KCNH7: variants seen among roughly 807,000 people sequenced by gnomAD.
The protein encoded by KCNH7 is potassium voltage-gated channel subfamily H member 7.
KCNH7 carries 49 observed loss-of-function variants against 120.8 expected under a neutral mutation model. The observed-to-expected ratio is 0.41, with a 90% CI of 0.32 to 0.51. The LOEUF (loss-of-function observed/expected upper bound fraction) is 0.51. Among genes scored for constraint, KCNH7 ranks in the 20% least tolerant of loss-of-function variants. The pLI, the probability that KCNH7 is intolerant of heterozygous loss-of-function variation, is 0.38. For missense variants in KCNH7, 1,097 were observed against 1,446.6 expected (o/e 0.76, Z 3.92); for synonymous variants, 547 against 516.1 (o/e 1.06, Z -0.81).
chr2:162,819,832 T>A (rs1241684052), intron 2 of KCNH7, among the ~76,000 whole-genome samples: 1 of 152,118 alleles, frequency 6.6e-6, no homozygotes, highest in African/African-American at 2.4e-5. Flanking sequence ...AAACTGAAAA[T>A]AATTCCGAAT....
intron 6 of KCNH7, among the ~76,000 whole-genome samples, chr2:162,459,675 A>G (rs1689084289): frequency 6.6e-6 from 1 of 152,210 alleles, no homozygotes; most frequent in Non-Finnish European, 1.5e-5. Flanking sequence ...TGATGTTAAC[A>G]ATGAACAGCA....
intron 2 of KCNH7, among the ~76,000 whole-genome samples, chr2:162,766,549 C>G (rs1367336483): frequency 6.6e-6 from 1 of 152,016 alleles, no homozygotes; most frequent in Non-Finnish European, 1.5e-5. Flanking sequence ...ACAAAAAAAG[C>G]TTGATTAGTG....
rs1182105670 is a variant in KCNH7 at position 162,512,641 on chromosome 2, G to A, written c.913+13C>T. The A allele has an allele frequency of 1.2e-6, 2 of 1,607,694 alleles. No homozygotes were observed. Among genetic ancestry groups the A allele is most frequent in the Non-Finnish European group, 8.5e-7 (1 of 1,175,968 alleles). ...TTGAACATCAGATGGTGAAATTTGA[G>A]TTTGTACATTACCTTTGACATTGCG... On this transcript the variant is annotated intron_variant, in intron 5 of 15. Coordinates refer to ENST00000332142, the MANE Select transcript of KCNH7 (RefSeq NM_033272.4).
chr2:162,806,794 A>T (rs929472927), intron 2 of KCNH7, among the ~76,000 whole-genome samples: 1 of 152,160 alleles, frequency 6.6e-6, no homozygotes, highest in Non-Finnish European at 1.5e-5. Context: ...ATTAAGGAGT[A>T]GTGATTTTTT....
intron 3 of KCNH7, among the ~76,000 whole-genome samples, chr2:162,523,597 C>T (rs144071126): frequency 5.3e-5 from 8 of 151,770 alleles, no homozygotes; most frequent in African/African-American, 1.9e-4. Flanking sequence ...TGATTCTCAT[C>T]TATTACAGTT....
At chr2:162,684,822 A>G (rs1419456089) in intron 2 of KCNH7, among the ~76,000 whole-genome samples, 1 of 152,106 alleles carries the variant, frequency 6.6e-6, no homozygotes, top group Non-Finnish European at 1.5e-5. Context: ...CAGAAATACC[A>G]TTTGACCCAG....
intron 3 of KCNH7, among the ~76,000 whole-genome samples, chr2:162,522,956 A>G (rs989747013): frequency 6.6e-6 from 1 of 151,884 alleles, no homozygotes; most frequent in Non-Finnish European, 1.5e-5. Context: ...CAATCCTGGC[A>G]TATGTAACTA....
intron 7 of KCNH7, among the ~76,000 whole-genome samples, chr2:162,441,550 G>A (rs1472952259): frequency 2.0e-5 from 3 of 152,116 alleles, no homozygotes; most frequent in Admixed American, 6.5e-5. Flanking sequence ...ATAATTAATT[G>A]CAAGAATCCT....
At chr2:162,662,218 G>A (rs966904649) in intron 2 of KCNH7, among the ~76,000 whole-genome samples, 1 of 152,018 alleles carries the variant, frequency 6.6e-6, no homozygotes, top group Admixed American at 6.6e-5. Context: ...AGCCACAATC[G>A]CGTCACTGTA....
At chr2:162,470,865 G>T (rs560334814) in intron 6 of KCNH7, among the ~76,000 whole-genome samples, 2 of 152,348 alleles carry the variant, frequency 1.3e-5, no homozygotes, top group Non-Finnish European at 2.9e-5. Context: ...GTAGAAAGAA[G>T]TAGACATGGG....
At chr2:162,667,741 T>C (rs1559072649) in intron 2 of KCNH7, among the ~76,000 whole-genome samples, 1 of 152,204 alleles carries the variant, frequency 6.6e-6, no homozygotes, top group Non-Finnish European at 1.5e-5. Flanking sequence ...CTCCACTACA[T>C]CACCTTGCTT....
intron 3 of KCNH7, among the ~76,000 whole-genome samples, chr2:162,524,986 T>A (rs1463229413): frequency 6.6e-6 from 1 of 151,880 alleles, no homozygotes; most frequent in East Asian, 2.0e-4. Context: ...GCTACCCTGA[T>A]TAGTGGGTGA....
chr2:162,738,418 C>T (rs1167050961), intron 2 of KCNH7, among the ~76,000 whole-genome samples: 3 of 152,024 alleles, frequency 2.0e-5, no homozygotes, highest in Non-Finnish European at 2.9e-5. Flanking sequence ...TCGTCACTGC[C>T]CTAATTTGAC....
intron 2 of KCNH7, among the ~76,000 whole-genome samples, chr2:162,691,026 G>T (rs978482666): frequency 6.6e-6 from 1 of 152,120 alleles, no homozygotes; most frequent in Non-Finnish European, 1.5e-5. Flanking sequence ...ACTCAGTAGG[G>T]CTATTTCCAT....
At chr2:162,779,746 A>G (rs1683405095) in intron 2 of KCNH7, among the ~76,000 whole-genome samples, 1 of 152,174 alleles carries the variant, frequency 6.6e-6, no homozygotes, top group South Asian at 2.1e-4. Flanking sequence ...GTCTGAGCCA[A>G]CCACGCTCCC....
intron 2 of KCNH7, among the ~76,000 whole-genome samples, chr2:162,714,355 T>C (rs1393814054): frequency 6.6e-6 from 1 of 152,136 alleles, no homozygotes; most frequent in Non-Finnish European, 1.5e-5. Context: ...AGTACAGGGA[T>C]AGCCAGCTAG....
At chr2:162,689,664 T>A (rs543845774) in intron 2 of KCNH7, among the ~76,000 whole-genome samples, 1 of 152,300 alleles carries the variant, frequency 6.6e-6, no homozygotes, top group South Asian at 2.1e-4. Flanking sequence ...AATGTTTAAT[T>A]TAATAAAATA....
intron 2 of KCNH7, among the ~76,000 whole-genome samples, chr2:162,664,410 A>G (rs919696674): frequency 3.3e-5 from 5 of 152,282 alleles, no homozygotes; most frequent in Admixed American, 1.3e-4. Context: ...GCTATGCTGG[A>G]TATCTTTTAT....
intron 5 of KCNH7, 79 bp downstream of exon 5, chr2:162,512,575 G>T: frequency 1.6e-6 from 2 of 1,268,604 alleles, no homozygotes; most frequent in East Asian, 2.3e-5. Context: ...ACTGAACAGG[G>T]CATACAGCAG....
Sources: allele counts gnomAD v4.1 joint callset (sites outside exome capture counted in the v4.1 genomes callset), GRCh38; gene constraint gnomAD v4.1.1; transcripts MANE v1.5; gene names NCBI Gene and HGNC (gene_info 2026-07-23, HGNC 2026-07-21).